Variants in RAD54B observed in about 807,000 individuals in gnomAD.
RAD54B encodes DNA repair and recombination protein RAD54B.
A neutral mutation model predicts 95.8 loss-of-function variants in RAD54B; 78 were observed. That is an observed-to-expected ratio of 0.81 (90% confidence interval 0.68 to 0.98). The LOEUF (loss-of-function observed/expected upper bound fraction) is 0.98, where lower values mean the gene tolerates loss of function less well. Ranked by LOEUF, RAD54B falls within the 50% of genes least tolerant of loss-of-function variation. The pLI, the probability that RAD54B is intolerant of heterozygous loss-of-function variation, is 0.00. For missense variants in RAD54B, 957 were observed against 1,056.6 expected (o/e 0.91, Z 1.31); for synonymous variants, 328 against 354.9 (o/e 0.92, Z 0.85).
At chr8:94,422,851 A>T (rs1011810060) in intron 3 of RAD54B, among the ~76,000 whole-genome samples, 5 of 149,004 alleles carry the variant, frequency 3.4e-5, no homozygotes, top group African/African-American at 1.2e-4. Flanking sequence ...TAGATATAGG[A>T]GGCTATGTTC....
At chr8:94,409,855 T>G (rs1230719732) in intron 4 of RAD54B, among the ~76,000 whole-genome samples, 2 of 152,182 alleles carry the variant, frequency 1.3e-5, no homozygotes, top group Non-Finnish European at 2.9e-5. Context: ...CCTCTCTCAC[T>G]GACTTTAGAA....
intron 3 of RAD54B, chr8:94,432,476 T>C: frequency 3.2e-6 from 5 of 1,550,530 alleles, no homozygotes; most frequent in Non-Finnish European, 4.4e-6. Flanking sequence ...CCATAACATG[T>C]ACTAATTCAT....
At chr8:94,436,334 C>A (rs1479554581) in intron 3 of RAD54B, among the ~76,000 whole-genome samples, 1 of 152,142 alleles carries the variant, frequency 6.6e-6, no homozygotes, top group Non-Finnish European at 1.5e-5. Context: ...AAAAATTCCT[C>A]ATAGCCTCAC....
chr8:94,383,585 T>C (rs533767801), intron 11 of RAD54B, among the ~76,000 whole-genome samples: 30 of 152,334 alleles, frequency 2.0e-4, no homozygotes, highest in African/African-American at 6.0e-4. Context: ...TTATTAGTTA[T>C]TGTTGTTAAT....
At chr8:94,467,357 T>C (rs776538498) in intron 2 of RAD54B, 48 bp downstream of exon 2, 2 of 1,454,508 alleles carry the variant, frequency 1.4e-6, no homozygotes, top group East Asian at 2.3e-5. Context: ...TTCTTAAACA[T>C]ACATGCTTCT....
chr8:94,400,381 G>A lies in RAD54B; in HGVS notation c.1027C>T (p.Leu343=), dbSNP rs1161676427. 8.1e-6 allele frequency: 13 copies of A among 1,613,752 alleles called. No homozygotes were observed. Residue 343 remains leucine (L), a synonymous_variant, in exon 7 of 15, where the codon CTG becomes TTG. Coordinates refer to ENST00000336148, the MANE Select transcript of RAD54B (RefSeq NM_012415.3). Reference sequence around the variant, plus strand: ...CCTCCATAGGGTCCCTGACACTGCAGGGTCCAGATGAGCGAAATACATTGC... The same window carrying A: ...CCTCCATAGGGTCCCTGACACTGCAAGGTCCAGATGAGCGAAATACATTGC... ...TLQCISLIWT[L]QCQGPYGGKP...
intron 3 of RAD54B, among the ~76,000 whole-genome samples, chr8:94,435,345 C>T (rs1016545545): frequency 6.6e-6 from 1 of 151,970 alleles, no homozygotes; most frequent in Non-Finnish European, 1.5e-5. Flanking sequence ...AGAAGCTAGG[C>T]TCAAAAATAC....
At position 94,441,981 on chromosome 8, in the gene RAD54B, C is replaced by T. The variant is rs531937586; in HGVS notation, c.304+16287G>A. On this transcript the variant is annotated intron_variant, in intron 3 of 14. Coordinates refer to ENST00000336148, the MANE Select transcript of RAD54B (RefSeq NM_012415.3). ...TTACGAAACAGTCAATAAACAAAGG[C>T]AAAAAAATCAACCTAAGTGTCCATC... Among the ~76,000 whole-genome samples the T allele has an allele frequency of 5.9e-5, 9 of 151,890 alleles. No individual in the cohort carries two copies. In the South Asian group the frequency reaches 1.9e-3, roughly 32 times the overall value.
chr8:94,382,726 G>A (rs1810775053), intron 11 of RAD54B, among the ~76,000 whole-genome samples: 1 of 152,252 alleles, frequency 6.6e-6, no homozygotes, highest in South Asian at 2.1e-4. Context: ...GCGGTTTCCT[G>A]CATGCTGTTC....
chr8:94,372,525 T>A, intron 14 of RAD54B, 138 bp from the exon 15 acceptor site: 1 of 1,416,052 alleles, frequency 7.1e-7, no homozygotes, highest in Non-Finnish European at 9.3e-7. Context: ...ACAAATTCAT[T>A]CTTTTTACAA....
Position 94,449,963 on chromosome 8 carries a change from T to C in RAD54B, c.304+8305A>G, listed in dbSNP as rs75540921. Among the ~76,000 whole-genome samples the C allele has an allele frequency of 5.4e-3, 825 of 152,358 alleles. 4 individuals are homozygous for C. Among genetic ancestry groups the C allele is most frequent in the Admixed American group, 9.1e-3 (139 of 15,304 alleles). On this transcript the variant is annotated intron_variant, in intron 3 of 14. Transcript: ENST00000336148. ...TTTTTGAAAGGAGAAAGGATACACC[T>C]ATCATGTTTCCCCTTCTTCAGCAGA...
intron 3 of RAD54B, among the ~76,000 whole-genome samples, chr8:94,411,696 G>A (rs2515153): frequency 0.48 from 72,851 of 151,520 alleles, 18,649 homozygotes; most frequent in Non-Finnish European, 0.59. Flanking sequence ...AACATGACAA[G>A]CTGAGGAAAG....
chr8:94,471,607 T>C (rs994798901), intron 1 of RAD54B, among the ~76,000 whole-genome samples: 1 of 152,214 alleles, frequency 6.6e-6, no homozygotes, highest in South Asian at 2.1e-4. Context: ...TGTTATATAT[T>C]AAAATACACA....
chr8:94,437,989 A>G, intron 3 of RAD54B, among the ~76,000 whole-genome samples: 1 of 152,224 alleles, frequency 6.6e-6, no homozygotes, highest in East Asian at 1.9e-4. Context: ...ACATAGTTCT[A>G]TCCAATAAAA....
At chr8:94,399,668 T>G in intron 7 of RAD54B, 47 bp from the exon 8 acceptor site, 1 of 1,529,376 alleles carries the variant, frequency 6.5e-7, no homozygotes, top group Non-Finnish European at 8.7e-7. Context: ...AGAAACTATA[T>G]GAAATCAAAT....
chr8:94,376,470 T>G (rs1221291832), intron 14 of RAD54B, among the ~76,000 whole-genome samples: 1 of 151,378 alleles, frequency 6.6e-6, no homozygotes, highest in Non-Finnish European at 1.5e-5. Context: ...ACTTAAATAT[T>G]GGAAAAAGAA....
At chr8:94,422,497 G>C (rs1811827352) in intron 3 of RAD54B, among the ~76,000 whole-genome samples, 1 of 143,204 alleles carries the variant, frequency 7.0e-6, no homozygotes, top group Non-Finnish European at 1.5e-5. Context: ...TGAGACAGGA[G>C]AATCGCTTGA....
At chr8:94,464,681 G>A (rs1291101821) in intron 2 of RAD54B, among the ~76,000 whole-genome samples, 4 of 152,176 alleles carry the variant, frequency 2.6e-5, no homozygotes, top group Non-Finnish European at 2.9e-5. Context: ...TAAGTAGACT[G>A]TATGGTATTT....
intron 3 of RAD54B, among the ~76,000 whole-genome samples, chr8:94,413,912 T>G (rs1365548796): frequency 6.7e-6 from 1 of 150,106 alleles, no homozygotes; most frequent in African/African-American, 2.5e-5. Context: ...CTCGGCTGAC[T>G]GCAACCTCTG....
Sources: allele counts gnomAD v4.1 joint callset (sites outside exome capture counted in the v4.1 genomes callset), GRCh38; gene constraint gnomAD v4.1.1; transcripts MANE v1.5; gene names NCBI Gene and HGNC (gene_info 2026-07-23, HGNC 2026-07-21).